Variants in MCTP1 observed in about 807,000 individuals in gnomAD.
MCTP1 encodes multiple C2 and transmembrane domain containing 1.
MCTP1 carries 69 observed loss-of-function variants against 120.6 expected under a neutral mutation model. The observed-to-expected ratio is 0.57, with a 90% CI of 0.47 to 0.70. The LOEUF (loss-of-function observed/expected upper bound fraction) is 0.70. Ranked by LOEUF, MCTP1 falls within the 30% of genes least tolerant of loss-of-function variation. The pLI is 0.00. For missense variants in MCTP1, 1,203 were observed against 1,248.8 expected, an observed-to-expected ratio of 0.96 and a Z score of 0.55; for synonymous variants, 529 against 493.1, an observed-to-expected ratio of 1.07 and a Z score of -0.96.
At chr5:95,059,900 G>A (rs1302654586) in intron 1 of MCTP1, among the ~76,000 whole-genome samples, 2 of 152,262 alleles carry the variant, frequency 1.3e-5, no homozygotes, top group Middle Eastern at 3.4e-3. Context: ...AGGGAAAAGG[G>A]AACTTGAGAT....
chr5:95,141,058 C>T (rs182908188), intron 1 of MCTP1, among the ~76,000 whole-genome samples: 133 of 152,128 alleles, frequency 8.7e-4, no homozygotes, highest in Middle Eastern at 3.4e-3. Context: ...CTCACCTTCA[C>T]GGTAGAGGAG....
rs748374848 is a variant in MCTP1 at position 94,710,844 on chromosome 5, G to A, written c.2804C>T (p.Pro935Leu). Reference sequence around the variant, plus strand: ...CCAGACAAGGACAATGTATCTCAGCGGAATGCAGTACAGGATGGCTGTGAA... The same window carrying A: ...CCAGACAAGGACAATGTATCTCAGCAGAATGCAGTACAGGATGGCTGTGAA... ...CVFTAILYCIPLRYIVLVWGI... is the reference protein window; with the variant it reads ...CVFTAILYCILLRYIVLVWGI... The change falls in exon 21 of 23, where the codon CCG becomes CTG. Residue 935 changes from proline (P) to leucine (L), a missense_variant. By Grantham distance (98) the Pro-to-Leu change is moderately conservative (BLOSUM62 -3). This residue lies in a region of MCTP1 where 740 missense variants were observed against 871.1 expected (regional missense o/e 0.85). Transcript: ENST00000515393. The A allele has an allele frequency of 5.6e-6, 9 of 1,612,504 alleles. No homozygotes were observed. Among genetic ancestry groups the A allele is most frequent in the Admixed American group, 1.7e-5 (1 of 59,872 alleles).
intron 12 of MCTP1, among the ~76,000 whole-genome samples, chr5:94,888,163 A>G (rs1801755374): frequency 6.6e-6 from 1 of 152,242 alleles, no homozygotes; most frequent in Non-Finnish European, 1.5e-5. Flanking sequence ...ATGAAATTAA[A>G]TCATAAATGA....
chr5:94,754,449 AAGTC>A (rs1769252975), intron 19 of MCTP1, among the ~76,000 whole-genome samples: 1 of 152,224 alleles, frequency 6.6e-6, no homozygotes, highest in African/African-American at 2.4e-5. Flanking sequence ...TTATTTTTAA[AAGTC>A]AGAATGCTAA....
At chr5:95,137,374 G>C (rs978414615) in intron 1 of MCTP1, among the ~76,000 whole-genome samples, 1 of 152,214 alleles carries the variant, frequency 6.6e-6, no homozygotes, top group Non-Finnish European at 1.5e-5. Context: ...CAGAGTTGCT[G>C]TGAAGATTTA....
intron 5 of MCTP1, among the ~76,000 whole-genome samples, chr5:94,933,429 C>T (rs1257171034): frequency 2.6e-5 from 4 of 151,628 alleles, no homozygotes; most frequent in Non-Finnish European, 5.9e-5. Context: ...CCATCATCAC[C>T]AAAAGGCAAC....
intron 2 of MCTP1, among the ~76,000 whole-genome samples, chr5:94,981,624 A>G (rs1364405058): frequency 6.6e-6 from 1 of 152,148 alleles, no homozygotes; most frequent in Admixed American, 6.6e-5. Flanking sequence ...CAGAGCATGG[A>G]ACAACAGAGA....
In MCTP1 at chr5:94,947,603, G is replaced by T. The variant is rs2118212; in HGVS notation, c.982-5176C>A. Among the ~76,000 whole-genome samples the T allele has an allele frequency of 5.4e-3, 561 of 104,424 alleles. 14 individuals carry two copies. Among genetic ancestry groups the T allele is most frequent in the East Asian group, 0.015 (61 of 3,974 alleles). The allele number at this position is 104,424 out of a possible 152,430, so 68.5% of individuals were successfully genotyped here. A position where few individuals can be genotyped will look rare whatever the true frequency, so the allele number is the denominator to read the frequency against. On this transcript the variant is annotated intron_variant, in intron 3 of 22. Coordinates refer to ENST00000515393, the MANE Select transcript of MCTP1 (RefSeq NM_024717.7). ...AGAGAGAGAGAGAGAGAGAGAGAGA[G>T]AGAGAGAGAGAGAGAGAGAAAGAGA... is the stretch of plus-strand genomic sequence containing the variant.
intron 1 of MCTP1, among the ~76,000 whole-genome samples, chr5:95,067,702 TG>T (rs988416358): frequency 6.6e-6 from 1 of 152,172 alleles, no homozygotes; most frequent in African/African-American, 2.4e-5. Flanking sequence ...TATGTATTTA[TG>T]GGATACACAG....
intron 2 of MCTP1, among the ~76,000 whole-genome samples, chr5:94,986,668 C>G (rs1049427071): frequency 2.0e-5 from 3 of 152,068 alleles, no homozygotes; most frequent in Non-Finnish European, 4.4e-5. Context: ...TGCCACCATG[C>G]CTGGCTAATT....
At chr5:95,239,366 GC>G (rs1377904979) in intron 1 of MCTP1, among the ~76,000 whole-genome samples, 3 of 152,122 alleles carry the variant, frequency 2.0e-5, no homozygotes, top group African/African-American at 7.2e-5. Context: ...TCCAGGTAAT[GC>G]CTTAATGGAA....
chr5:95,024,648 T>TACACACACACACAC (rs111890273), intron 1 of MCTP1, among the ~76,000 whole-genome samples: 1,473 of 146,332 alleles, frequency 0.01, 10 homozygotes, highest in Middle Eastern at 0.014. Context: ...GGCATTCAAA[T>TACACACACACACAC]ACACACACAC....
intron 2 of MCTP1, among the ~76,000 whole-genome samples, chr5:94,974,344 T>G (rs925401453): frequency 6.6e-6 from 1 of 152,128 alleles, no homozygotes; most frequent in African/African-American, 2.4e-5. Context: ...GTCAGGAGTT[T>G]GAGACCAGCC....
At chr5:94,977,949 G>C (rs188162412) in intron 2 of MCTP1, among the ~76,000 whole-genome samples, 5 of 152,206 alleles carry the variant, frequency 3.3e-5, no homozygotes, top group African/African-American at 1.2e-4. Flanking sequence ...AATGGGACTA[G>C]AGGAAATATC....
intron 19 of MCTP1, among the ~76,000 whole-genome samples, chr5:94,718,299 G>C (rs564079150): frequency 6.6e-6 from 1 of 152,298 alleles, no homozygotes; most frequent in African/African-American, 2.4e-5. Flanking sequence ...GGGAAAACTG[G>C]CTAGCCATAT....
chr5:94,926,307 T>C (rs1813106606), intron 6 of MCTP1, among the ~76,000 whole-genome samples: 1 of 152,224 alleles, frequency 6.6e-6, no homozygotes, highest in Admixed American at 6.5e-5. Context: ...TCAGCTAGTA[T>C]TCCTGATTAC....
In MCTP1 at chr5:95,015,746, T is replaced by C. The variant is rs113685959; in HGVS notation, c.838+1621A>G. On this transcript the variant is annotated intron_variant, in intron 2 of 22. Coordinates refer to ENST00000515393, the MANE Select transcript of MCTP1 (RefSeq NM_024717.7). ...TTTACAGCTCCATAGTATTCCGCCA[T>C]GTAGATATGCCATAGTTTATTCAAC... is the stretch of plus-strand genomic sequence containing the variant. 4.4e-3 allele frequency among the ~76,000 whole-genome samples: 664 copies of C among 152,240 alleles called. 3 individuals carry two copies. Among genetic ancestry groups the C allele is most frequent in the African/African-American group, 0.014 (592 of 41,556 alleles).
At chr5:94,973,059 C>T (rs186427313) in intron 2 of MCTP1, among the ~76,000 whole-genome samples, 2 of 152,264 alleles carry the variant, frequency 1.3e-5, no homozygotes, top group Non-Finnish European at 2.9e-5. Flanking sequence ...TTGGGTTAAA[C>T]TAGCACAAAG....
chr5:95,213,010 T>C (rs200073747), intron 1 of MCTP1, among the ~76,000 whole-genome samples: 4 of 152,080 alleles, frequency 2.6e-5, no homozygotes, highest in African/African-American at 9.7e-5. Context: ...GAAATTCTGG[T>C]CAGGTCAATT....
Sources: gnomAD v4.1 joint callset for allele counts (sites outside exome capture counted in the v4.1 genomes callset) on GRCh38, gnomAD v4.1.1 for gene constraint, gnomAD v4.1.1 regional missense constraint, MANE v1.5 for transcripts, NCBI Gene and HGNC (gene_info 2026-07-23, HGNC 2026-07-21) for gene names.